Variants in VPS13D observed in about 807,000 individuals in gnomAD.
VPS13D encodes intermembrane lipid transfer protein VPS13D.
Under a neutral mutation model 461.9 loss-of-function variants are expected in VPS13D, and 187 were observed. The ratio of observed to expected loss-of-function variants is 0.40; its 90% CI spans 0.36 to 0.46. The LOEUF is 0.46. Among genes scored for constraint, VPS13D ranks in the 20% least tolerant of loss-of-function variants. The pLI is 0.60. For synonymous variants in VPS13D, 1,951 were observed against 1,986.3 expected, an observed-to-expected ratio of 0.98 and a Z score of 0.47; for missense variants, 4,711 against 5,364.9, an observed-to-expected ratio of 0.88 and a Z score of 3.81.
chr1:12,369,362 T>G (rs1644085503), intron 53 of VPS13D, 105 bp from the exon 54 acceptor site: 1 of 958,764 alleles, frequency 1.0e-6, no homozygotes. Context: ...TGTGTAAGAT[T>G]CATTTAGGAA....
intron 63 of VPS13D, among the ~76,000 whole-genome samples, chr1:12,406,714 A>G (rs1473973329): frequency 6.6e-6 from 1 of 152,138 alleles, no homozygotes; most frequent in Non-Finnish European, 1.5e-5. Flanking sequence ...CCATTCTCTC[A>G]AGTTTGCGTG....
chr1:12,377,124 A>G (rs1040583836), intron 55 of VPS13D, among the ~76,000 whole-genome samples: 2 of 151,384 alleles, frequency 1.3e-5, no homozygotes, highest in Non-Finnish European at 2.9e-5. Flanking sequence ...CAATGGCGCA[A>G]TCTTGGCTCA....
At chr1:12,421,857 A>G (rs571364465) in intron 65 of VPS13D, among the ~76,000 whole-genome samples, 2 of 152,048 alleles carry the variant, frequency 1.3e-5, no homozygotes, top group Non-Finnish European at 2.9e-5. Flanking sequence ...GTCTCACTCT[A>G]TCGCCCAGGC....
intron 57 of VPS13D, 37 bp from the exon 58 acceptor site, chr1:12,382,939 G>T: frequency 8.8e-6 from 14 of 1,583,762 alleles, no homozygotes; most frequent in Non-Finnish European, 1.0e-5. Context: ...CAGTGCCTCT[G>T]TCTTTTCTCA....
chr1:12,254,410 T>C (rs988508987), intron 7 of VPS13D, among the ~76,000 whole-genome samples: 1 of 152,058 alleles, frequency 6.6e-6, no homozygotes. Context: ...TTACCACATT[T>C]ATGTTTAAAC....
chr1:12,282,371 T>G (rs879820636), intron 20 of VPS13D, among the ~76,000 whole-genome samples: 1 of 152,228 alleles, frequency 6.6e-6, no homozygotes, highest in African/African-American at 2.4e-5. Flanking sequence ...AATCCTGTGG[T>G]GTATCCACGC....
chr1:12,313,063 C>T (rs1007800845), intron 29 of VPS13D, among the ~76,000 whole-genome samples: 2 of 152,184 alleles, frequency 1.3e-5, no homozygotes, highest in Non-Finnish European at 2.9e-5. Flanking sequence ...GCGTACATCA[C>T]TCTTTTCCAG....
intron 23 of VPS13D, among the ~76,000 whole-genome samples, chr1:12,293,304 C>G (rs567402189): frequency 6.6e-6 from 1 of 152,204 alleles, no homozygotes; most frequent in Non-Finnish European, 1.5e-5. Context: ...AGTGCTAGAG[C>G]TGTCCACCTG....
chr1:12,276,601 C>T lies in VPS13D; in HGVS notation c.3013C>T (p.Leu1005=), dbSNP rs781312155. ...EVSLTVHGLL[L]VDTMQTYGAD... ...CTCCCTAACTGTTCATGGTTTGCTCCTGGTGGATACCATGCAGACATATGG... is the reference window on the plus strand; with the variant it reads ...CTCCCTAACTGTTCATGGTTTGCTCTTGGTGGATACCATGCAGACATATGG... The change falls in exon 19 of 70, where the codon CTG becomes TTG. Residue 1005 remains leucine, a synonymous_variant. Coordinates refer to ENST00000620676, the MANE Select transcript of VPS13D (RefSeq NM_015378.4). This position sits in a 1 kb window ranked among gnomAD's most constrained non-coding sequence, Gnocchi z 4.5. The T allele has an allele frequency of 6.2e-7, 1 of 1,614,198 alleles. No individual in the cohort carries two copies. The highest frequency in any genetic ancestry group is 8.5e-7 in the Non-Finnish European group (1 of 1,180,032).
intron 20 of VPS13D, among the ~76,000 whole-genome samples, chr1:12,281,079 G>GTTT (rs1641765686): frequency 6.8e-6 from 1 of 147,972 alleles, no homozygotes; most frequent in African/African-American, 2.5e-5. Context: ...TTTTTTTTTG[G>GTTT]TGAAATATTT....
intron 18 of VPS13D, among the ~76,000 whole-genome samples, chr1:12,274,865 C>T (rs1641560159): frequency 6.6e-6 from 1 of 152,116 alleles, no homozygotes; most frequent in African/African-American, 2.4e-5. Flanking sequence ...GGGTGGATTA[C>T]ATGAGGTCAG....
At position 12,293,605 on chromosome 1, in the gene VPS13D, T is replaced by A; in HGVS notation, c.5934T>A (p.His1978Gln). The change falls in exon 24 of 70, where the codon CAT (histidine) becomes CAA (glutamine). Residue 1978 changes from histidine (H) to glutamine (Q), a missense_variant. His to Gln is a conservative substitution (Grantham distance 24). Transcript: ENST00000620676. ...SLRMASVQYV[H>Q]TQRFQAEVVA... ...GGATGGCCTCTGTGCAGTATGTGCA[T>A]ACTCAGCGTTTCCAGGCAGAGGTGG... The A allele has an allele frequency of 2.5e-6, 4 of 1,614,212 alleles. No homozygotes were observed. Among genetic ancestry groups the A allele is most frequent in the Non-Finnish European group, 3.4e-6 (4 of 1,180,030 alleles).
At chr1:12,260,295 G>A (rs556392036) in intron 10 of VPS13D, among the ~76,000 whole-genome samples, 76 of 152,252 alleles carry the variant, frequency 5.0e-4, no homozygotes, top group African/African-American at 1.8e-3. Context: ...AAAGTGCTGG[G>A]ATTACAGGCG....
chr1:12,359,466 T>C (rs1173313014), intron 50 of VPS13D, among the ~76,000 whole-genome samples: 1 of 152,170 alleles, frequency 6.6e-6, no homozygotes, highest in Admixed American at 6.5e-5. Flanking sequence ...TAGTGAGAAG[T>C]AAGGCAAGTA....
intron 60 of VPS13D, among the ~76,000 whole-genome samples, chr1:12,392,545 TA>T (rs139602760): frequency 0.3 from 38,358 of 129,258 alleles, 5,129 homozygotes; most frequent in African/African-American, 0.37. Flanking sequence ...GTATAAATGT[TA>T]AAAAAAAAAA....
intron 52 of VPS13D, among the ~76,000 whole-genome samples, chr1:12,364,904 C>A (rs1644010033): frequency 6.6e-6 from 1 of 152,100 alleles, no homozygotes; most frequent in African/African-American, 2.4e-5. Context: ...GCTCTTACTT[C>A]TAGGTCTTTG....
chr1:12,233,531 G>T (rs1640051441), intron 1 of VPS13D, among the ~76,000 whole-genome samples: 1 of 152,140 alleles, frequency 6.6e-6, no homozygotes, highest in Non-Finnish European at 1.5e-5. Flanking sequence ...ACTAAATTAT[G>T]CCCATAGGAG....
intron 63 of VPS13D, among the ~76,000 whole-genome samples, chr1:12,405,058 A>G (rs1644633519): frequency 6.6e-6 from 1 of 152,226 alleles, no homozygotes; most frequent in Non-Finnish European, 1.5e-5. Flanking sequence ...ATAAGAAGTA[A>G]GTCTAGGGTC....
chr1:12,337,269 C>T (rs1643472607), intron 39 of VPS13D: 1 of 152,084 alleles, frequency 6.6e-6, no homozygotes, highest in Non-Finnish European at 1.5e-5. Context: ...ATTGGAAATT[C>T]CTGGATGGTA....
Sources: allele counts gnomAD v4.1 joint callset (sites outside exome capture counted in the v4.1 genomes callset), GRCh38; gene constraint gnomAD v4.1.1; non-coding constraint Gnocchi (gnomAD v3.1); transcripts MANE v1.5; gene names NCBI Gene and HGNC (gene_info 2026-07-23, HGNC 2026-07-21).